The following FBXO34 variants were observed in gnomAD, a reference collection of about 807,000 sequenced individuals.
FBXO34 encodes the protein F-box protein 34.
A neutral mutation model predicts 24.5 loss-of-function variants in FBXO34; 12 were observed. That is an observed-to-expected ratio of 0.49 (90% CI 0.31 to 0.79). The LOEUF (loss-of-function observed/expected upper bound fraction) is 0.79, where lower values mean the gene tolerates loss of function less well. Among genes scored for constraint, FBXO34 ranks in the 30% least tolerant of loss-of-function variants. FBXO34 has a pLI of 0.04. For synonymous variants in FBXO34, 320 were observed against 311.9 expected (o/e 1.03, Z -0.27); for missense variants, 823 against 857.7 (o/e 0.96, Z 0.51).
chr14:55,292,337 T>C (rs2139680170), intron 1 of FBXO34, among the ~76,000 whole-genome samples: 1 of 152,220 alleles, frequency 6.6e-6, no homozygotes, highest in East Asian at 1.9e-4. Flanking sequence ...TGCCACTGGG[T>C]AGTATTATAA....
At chr14:55,314,467 G>T (rs1283784884) in intron 1 of FBXO34, among the ~76,000 whole-genome samples, 1 of 152,164 alleles carries the variant, frequency 6.6e-6, no homozygotes, top group Non-Finnish European at 1.5e-5. Context: ...TTCCTGAGGT[G>T]TGCTAGATTG....
chr14:55,300,040 A>T (rs1273831785), intron 1 of FBXO34, among the ~76,000 whole-genome samples: 1 of 152,122 alleles, frequency 6.6e-6, no homozygotes, highest in African/African-American at 2.4e-5. Context: ...AAAGATACAG[A>T]CTATATCTGC....
At chr14:55,440,848 G>GAA in the FBXO34 span, among the ~76,000 whole-genome samples, 21 of 151,022 alleles carry the variant, frequency 1.4e-4, no homozygotes, top group African/African-American at 4.8e-4. Flanking sequence ...TGGAAAGTGA[G>GAA]AAAAAAAAAG....
the FBXO34 span, among the ~76,000 whole-genome samples, chr14:55,403,864 T>C: frequency 6.6e-6 from 1 of 152,250 alleles, no homozygotes; most frequent in Non-Finnish European, 1.5e-5. Flanking sequence ...AAATTTCAAA[T>C]GTCATATTTA....
chr14:55,299,191 C>T (rs1235725564), intron 1 of FBXO34: 3 of 976,390 alleles, frequency 3.1e-6, no homozygotes, highest in Non-Finnish European at 5.0e-6. Context: ...CCAAATGTTC[C>T]CTCTATAGCC....
At chr14:55,409,612 C>G in the FBXO34 span, among the ~76,000 whole-genome samples, 3 of 151,358 alleles carry the variant, frequency 2.0e-5, no homozygotes, top group African/African-American at 7.3e-5. Flanking sequence ...AGAAAGAGTT[C>G]CTGGCTGTCT....
At chr14:55,281,498 C>G (rs931105814) in intron 1 of FBXO34, among the ~76,000 whole-genome samples, 1 of 152,140 alleles carries the variant, frequency 6.6e-6, no homozygotes, top group African/African-American at 2.4e-5. Flanking sequence ...TGATGTTACT[C>G]TCCAAATGAG....
chr14:55,352,541 G>C lies in FBXO34; in HGVS notation c.*15G>C, dbSNP rs747999360. ...AGGAATACTAAAGTCCATGTGAGAG[G>C]CAACAAAAGGACCGGTTTCTAAAGC... On this transcript the variant is annotated 3_prime_UTR_variant, in exon 2 of 2. Transcript: ENST00000313833. The C allele has an allele frequency of 4.9e-5, 77 of 1,571,154 alleles. No individual in the cohort carries two copies. Among genetic ancestry groups the C allele is most frequent in the Non-Finnish European group, 6.4e-5 (74 of 1,160,216 alleles).
downstream of FBXO34, among the ~76,000 whole-genome samples, chr14:55,356,074 C>G (rs761657730): frequency 1.3e-5 from 2 of 152,152 alleles, no homozygotes; most frequent in Non-Finnish European, 2.9e-5. Context: ...AGGCTCTGAG[C>G]CGGTGGTTAT....
At chr14:55,439,277 T>TA in the FBXO34 span, among the ~76,000 whole-genome samples, 2 of 70,446 alleles carry the variant, frequency 2.8e-5, no homozygotes, top group Middle Eastern at 6.7e-3. Flanking sequence ...GTAATTAACT[T>TA]TAAAAAAAAA....
intron 1 of FBXO34, among the ~76,000 whole-genome samples, chr14:55,306,739 A>G (rs1042770840): frequency 3.9e-5 from 6 of 152,218 alleles, no homozygotes; most frequent in Non-Finnish European, 8.8e-5. Flanking sequence ...AGGCTGAGGC[A>G]GGAGAATTAC....
At chr14:55,414,257 C>A in the FBXO34 span, 3 of 710,970 alleles carry the variant, frequency 4.2e-6, no homozygotes. Flanking sequence ...TACACAGAGT[C>A]GCCCTTTAAT....
chr14:55,429,383 T>C, the FBXO34 span, among the ~76,000 whole-genome samples: 2 of 152,316 alleles, frequency 1.3e-5, no homozygotes, highest in South Asian at 4.1e-4. Flanking sequence ...GGCCGAGCAA[T>C]CTGTCTTTTA....
At chr14:55,278,260 A>G (rs559181784) in intron 1 of FBXO34, among the ~76,000 whole-genome samples, 1 of 152,062 alleles carries the variant, frequency 6.6e-6, no homozygotes, top group South Asian at 2.1e-4. Flanking sequence ...GAGGAACTGA[A>G]CTCATTTTCC....
the FBXO34 span, among the ~76,000 whole-genome samples, chr14:55,415,611 T>C: frequency 6.6e-6 from 1 of 152,254 alleles, no homozygotes; most frequent in African/African-American, 2.4e-5. Context: ...ACACCTGTAA[T>C]CCCAGCACTT....
In FBXO34 at chr14:55,353,483, G is replaced by C. The variant is rs1195554793; in HGVS notation, c.*957G>C. ...AAATTAGCATAGAAAACAATCCTTT[G>C]TTATATTTTAGTGATCCACAAGATT... On this transcript the variant is annotated 3_prime_UTR_variant, in exon 2 of 2. Transcript: ENST00000313833. The C allele has an allele frequency of 6.0e-6, 1 of 166,954 alleles. No individual in the cohort carries two copies. The highest frequency in any genetic ancestry group is 1.5e-5 in the Non-Finnish European group (1 of 68,086). 10.3% of individuals were successfully genotyped at this position (166,954 alleles called of 1,614,324 possible).
rs747154929 is a variant in FBXO34 at position 55,353,353 on chromosome 14, A to G, written c.*827A>G. 6.0e-6 allele frequency: 1 copy of G among 167,014 alleles called. No individual in the cohort carries two copies. Among genetic ancestry groups the G allele is most frequent in the Non-Finnish European group, 1.5e-5 (1 of 68,112 alleles). The allele number at this position is 167,014 out of a possible 1,614,324, so 10.3% of individuals were successfully genotyped here. A position where few individuals can be genotyped will look rare whatever the true frequency, so the allele number is the denominator to read the frequency against. ...TGAATGTTTCCCAAATAAACTATGAATGTTTCCTGTATAATATATGAATGT... is the reference window on the plus strand; with the variant it reads ...TGAATGTTTCCCAAATAAACTATGAGTGTTTCCTGTATAATATATGAATGT... On this transcript the variant is annotated 3_prime_UTR_variant, in exon 2 of 2. Coordinates refer to ENST00000313833, the MANE Select transcript of FBXO34 (RefSeq NM_017943.4).
At chr14:55,353,651 A>G (rs576078082), downstream of FBXO34, 1 of 167,054 alleles carries the variant, frequency 6.0e-6, no homozygotes, top group East Asian at 1.9e-4. Context: ...TTTTGATACA[A>G]TGTTGAAGAA....
chr14:55,431,462 T>G, the FBXO34 span, among the ~76,000 whole-genome samples: 1 of 152,242 alleles, frequency 6.6e-6, no homozygotes, highest in Non-Finnish European at 1.5e-5. Context: ...CAGCTCAGTA[T>G]GTGTACTATA....
Sources: gnomAD v4.1 joint callset for allele counts (sites outside exome capture counted in the v4.1 genomes callset) on GRCh38, gnomAD v4.1.1 for gene constraint, MANE v1.5 for transcripts, NCBI Gene and HGNC (gene_info 2026-07-23, HGNC 2026-07-21) for gene names.